The following KCND2 variants were observed in gnomAD, a reference collection of about 807,000 sequenced individuals.
KCND2 encodes the protein potassium voltage-gated channel subfamily D member 2.
A neutral mutation model predicts 54.4 loss-of-function variants in KCND2; 16 were observed. The observed-to-expected ratio is 0.29, with a 90% CI of 0.20 to 0.45. The LOEUF (loss-of-function observed/expected upper bound fraction) is 0.45. Ranked by LOEUF, KCND2 falls within the 20% of genes least tolerant of loss-of-function variation. The pLI is 1.00. For missense variants in KCND2, 486 were observed against 824.2 expected, an observed-to-expected ratio of 0.59 and a Z score of 5.02; for synonymous variants, 317 against 310.7, an observed-to-expected ratio of 1.02 and a Z score of -0.21.
At chr7:120,734,340 T>C (rs546088158) in intron 2 of KCND2, among the ~76,000 whole-genome samples, 2 of 152,256 alleles carry the variant, frequency 1.3e-5, no homozygotes, top group South Asian at 4.1e-4. Flanking sequence ...GAGGCAACTT[T>C]AGGCTAAACT....
Position 120,748,439 on chromosome 7 carries a change from C to G in KCND2, c.*581C>G, listed in dbSNP as rs1286504012. The G allele has an allele frequency of 1.3e-5, 2 of 153,168 alleles. No individual in the cohort carries two copies. The highest frequency in any genetic ancestry group is 1.9e-4 in the East Asian group (1 of 5,208). 9.5% of individuals were successfully genotyped at this position (153,168 alleles called of 1,614,324 possible). On this transcript the variant is annotated 3_prime_UTR_variant, in exon 6 of 6. Coordinates refer to ENST00000331113, the MANE Select transcript of KCND2 (RefSeq NM_012281.3). ...GAAAGGGGTAATTTCTGTGCACTTA[C>G]AACAAGCTGAGTGTTCATGTTCCAT...
At chr7:120,730,887 T>C (rs1313821456) in intron 1 of KCND2, among the ~76,000 whole-genome samples, 1 of 152,192 alleles carries the variant, frequency 6.6e-6, no homozygotes, top group African/African-American at 2.4e-5. Flanking sequence ...CCTCTCAAGA[T>C]ACAATATAAC....
intron 1 of KCND2, among the ~76,000 whole-genome samples, chr7:120,413,178 T>A (rs1035838174): frequency 9.2e-5 from 14 of 152,112 alleles, no homozygotes; most frequent in Non-Finnish European, 2.1e-4. Context: ...ATTGATATAA[T>A]TGATAGTGGC....
intron 1 of KCND2, among the ~76,000 whole-genome samples, chr7:120,716,769 A>T (rs1251674571): frequency 6.6e-6 from 1 of 152,042 alleles, no homozygotes; most frequent in African/African-American, 2.4e-5. Context: ...AAATAATTTG[A>T]TATACATATT....
chr7:120,485,749 CTTA>C lies in KCND2; in HGVS notation c.1115+210005_1115+210007del, dbSNP rs377618250. Reference sequence around the variant, plus strand: ...AACTTTCAGACCCTTCCTAATGGGTCTTATTTATTATTCTTCCTAGATAAACTG... The same window carrying C: ...AACTTTCAGACCCTTCCTAATGGGTCTTTATTATTCTTCCTAGATAAACTG... On this transcript the variant is annotated intron_variant, in intron 1 of 5. Coordinates refer to ENST00000331113, the MANE Select transcript of KCND2 (RefSeq NM_012281.3). Among the ~76,000 whole-genome samples, 757 of 152,280 alleles carry C rather than the reference CTTA, an allele frequency of 5.0e-3. 4 individuals carry two copies. Among genetic ancestry groups the C allele is most frequent in the African/African-American group, 0.017 (691 of 41,568 alleles).
chr7:120,689,325 T>G (rs1792241910), intron 1 of KCND2, among the ~76,000 whole-genome samples: 1 of 152,186 alleles, frequency 6.6e-6, no homozygotes, highest in African/African-American at 2.4e-5. Flanking sequence ...TCACGGTAAA[T>G]TATGCTGCAA....
chr7:120,627,156 C>A (rs369414388), intron 1 of KCND2, among the ~76,000 whole-genome samples: 1 of 152,164 alleles, frequency 6.6e-6, no homozygotes. Flanking sequence ...TTCCACAAAC[C>A]CTTATTAAGC....
chr7:120,733,259 A>G (rs1019895469), intron 2 of KCND2, among the ~76,000 whole-genome samples, 194 bp downstream of exon 2: 1 of 152,168 alleles, frequency 6.6e-6, no homozygotes, highest in African/African-American at 2.4e-5. Context: ...TTTCTGAATC[A>G]TGCTACAAGT....
intron 1 of KCND2, among the ~76,000 whole-genome samples, chr7:120,542,396 TA>T (rs1791989652): frequency 6.6e-6 from 1 of 152,194 alleles, no homozygotes; most frequent in African/African-American, 2.4e-5. Flanking sequence ...GAATCAGTTA[TA>T]AAATAAATTG....
At chr7:120,595,545 A>ATG (rs1183568510) in intron 1 of KCND2, among the ~76,000 whole-genome samples, 3 of 140,358 alleles carry the variant, frequency 2.1e-5, no homozygotes, top group South Asian at 2.2e-4. Flanking sequence ...ATATATGTAT[A>ATG]TGTGTGTGTG....
At chr7:120,574,105 G>A (rs1020935671) in intron 1 of KCND2, among the ~76,000 whole-genome samples, 3 of 152,110 alleles carry the variant, frequency 2.0e-5, no homozygotes, top group Non-Finnish European at 2.9e-5. Flanking sequence ...CCTAGAAAAC[G>A]TTAAGGTTTA....
At chr7:120,325,526 G>C (rs532294570) in intron 1 of KCND2, among the ~76,000 whole-genome samples, 3,200 of 151,196 alleles carry the variant, frequency 0.021, 128 homozygotes, top group African/African-American at 0.073. Flanking sequence ...GTTGAATTTT[G>C]TCAAAGGCCT....
chr7:120,693,139 A>G (rs1312973227), intron 1 of KCND2, among the ~76,000 whole-genome samples: 1 of 152,196 alleles, frequency 6.6e-6, no homozygotes, highest in Non-Finnish European at 1.5e-5. Flanking sequence ...ACCAACATTC[A>G]TGTATTTTCA....
chr7:120,327,917 C>T (rs1800002778), intron 1 of KCND2, among the ~76,000 whole-genome samples: 6 of 152,090 alleles, frequency 3.9e-5, no homozygotes, highest in Admixed American at 3.9e-4. Flanking sequence ...CCTTTTCTTC[C>T]TTAGTTGAGT....
chr7:120,516,186 A>T (rs889990461), intron 1 of KCND2, among the ~76,000 whole-genome samples: 8 of 152,166 alleles, frequency 5.3e-5, no homozygotes, highest in African/African-American at 1.9e-4. Flanking sequence ...ACAAGTACTG[A>T]ATGTTTTATT....
chr7:120,665,060 C>G (rs1412533009), intron 1 of KCND2, among the ~76,000 whole-genome samples: 1 of 151,942 alleles, frequency 6.6e-6, no homozygotes, highest in Non-Finnish European at 1.5e-5. Context: ...TTTTAAAACC[C>G]AGGGACCCAA....
chr7:120,318,946 A>T (rs912520800), intron 1 of KCND2, among the ~76,000 whole-genome samples: 1 of 152,050 alleles, frequency 6.6e-6, no homozygotes, highest in African/African-American at 2.4e-5. Flanking sequence ...GGTAAACTTC[A>T]AATATTGTAA....
At chr7:120,379,685 T>C (rs954535843) in intron 1 of KCND2, among the ~76,000 whole-genome samples, 3 of 152,004 alleles carry the variant, frequency 2.0e-5, no homozygotes, top group Non-Finnish European at 4.4e-5. Flanking sequence ...GACTACATAA[T>C]GTTCTGCCTA....
chr7:120,474,947 C>T (rs1802512687), intron 1 of KCND2, among the ~76,000 whole-genome samples: 1 of 151,998 alleles, frequency 6.6e-6, no homozygotes, highest in Non-Finnish European at 1.5e-5. Context: ...CTCAAGCAGT[C>T]CTCCCACCTC....
Sources: allele counts gnomAD v4.1 joint callset (sites outside exome capture counted in the v4.1 genomes callset), GRCh38; gene constraint gnomAD v4.1.1; transcripts MANE v1.5; gene names NCBI Gene and HGNC (gene_info 2026-07-23, HGNC 2026-07-21).